The following NREP variants were observed in gnomAD, a reference collection of about 807,000 sequenced individuals.
NREP encodes neuronal regeneration-related protein.
NREP carries 5 observed loss-of-function variants against 8.6 expected under a neutral mutation model. The ratio of observed to expected loss-of-function variants is 0.58; its 90% CI spans 0.30 to 1.22. NREP has a LOEUF of 1.22. NREP is among the 50% of genes most tolerant of loss of function. NREP has a pLI of 0.07. For missense variants in NREP, 86 were observed against 82.5 expected (o/e 1.04, Z -0.17); for synonymous variants, 27 against 28.0 (o/e 0.96, Z 0.11).
chr5:111,793,862 T>C (rs7703619), intron 2 of NREP, among the ~76,000 whole-genome samples: 150,531 of 152,190 alleles, frequency 0.99, 74,472 homozygotes, highest in East Asian at 1. Flanking sequence ...GGTTCAGGAC[T>C]AGCGTGAGTA....
chr5:111,931,428 G>A lies in NREP; in HGVS notation c.135+43846C>T, dbSNP rs546615090. Reference sequence around the variant, plus strand: ...CAACCTAAGGCGAGGCCCACATGGTGTGGAGTTTAGTTGGTCACCTGCCAA... The same window carrying A: ...CAACCTAAGGCGAGGCCCACATGGTATGGAGTTTAGTTGGTCACCTGCCAA... On this transcript the variant is annotated intron_variant, in intron 2 of 3. Transcript: ENST00000395634. 4.6e-5 allele frequency among the ~76,000 whole-genome samples: 7 copies of A among 152,196 alleles called. No individual in the cohort carries two copies. The East Asian group carries it at 1.4e-3, about 30-fold the overall frequency.
rs373295627 is a variant in NREP at position 111,811,177 on chromosome 5, T to C, written c.136-75670A>G. 5.3e-4 allele frequency among the ~76,000 whole-genome samples: 80 copies of C among 152,284 alleles called. 1 individual carries two copies. Among genetic ancestry groups the C allele is most frequent in the African/African-American group, 1.7e-3 (71 of 41,554 alleles). On this transcript the variant is annotated intron_variant, in intron 2 of 3. Coordinates refer to the NREP transcript ENST00000395634. ...CTATGCCCGCCTTTAGACCCACTCT[T>C]GTCATCAGCCTTACTCTCTTTGTTC...
At chr5:111,820,893 T>C (rs73789510) in intron 2 of NREP, among the ~76,000 whole-genome samples, 2,062 of 152,290 alleles carry the variant, frequency 0.014, 42 homozygotes, top group African/African-American at 0.04. Context: ...ATCCTATAAG[T>C]ATATTTTAGA....
intron 2 of NREP, among the ~76,000 whole-genome samples, chr5:111,921,883 C>G (rs1391363906): frequency 6.6e-6 from 1 of 152,108 alleles, no homozygotes; most frequent in African/African-American, 2.4e-5. Flanking sequence ...ATGGGTTTAT[C>G]AGGGGTTTCC....
intron 2 of NREP, among the ~76,000 whole-genome samples, chr5:111,770,659 CT>C (rs1437437935): frequency 6.7e-6 from 1 of 149,588 alleles, no homozygotes; most frequent in Non-Finnish European, 1.5e-5. Flanking sequence ...CAGCCTCCCC[CT>C]CCCAGGCTGA....
chr5:111,752,020 C>A (rs906963698), intron 2 of NREP, among the ~76,000 whole-genome samples: 4 of 152,134 alleles, frequency 2.6e-5, no homozygotes, highest in Non-Finnish European at 5.9e-5. Context: ...GTATAAAATT[C>A]ATTAATGGCC....
intron 2 of NREP, among the ~76,000 whole-genome samples, chr5:111,789,834 A>C (rs559136116): frequency 6.6e-6 from 1 of 152,324 alleles, no homozygotes; most frequent in Non-Finnish European, 1.5e-5. Flanking sequence ...AAATAGGCAA[A>C]TAACTATAAG....
At chr5:111,863,960 A>C (rs182659724) in intron 2 of NREP, among the ~76,000 whole-genome samples, 175 of 152,268 alleles carry the variant, frequency 1.1e-3, no homozygotes, top group South Asian at 8.7e-3. Context: ...CTCAGAGACA[A>C]GCACAGCATC....
At chr5:111,853,668 C>CT (rs1437981565) in intron 2 of NREP, among the ~76,000 whole-genome samples, 2 of 151,966 alleles carry the variant, frequency 1.3e-5, no homozygotes, top group Non-Finnish European at 2.9e-5. Context: ...CAAAGTGTCT[C>CT]TTTTTCTTTC....
chr5:111,748,008 A>T (rs1750116056), intron 2 of NREP, among the ~76,000 whole-genome samples: 1 of 152,128 alleles, frequency 6.6e-6, no homozygotes, highest in Non-Finnish European at 1.5e-5. Context: ...ATTGAGACAA[A>T]CTGTGCTGCC....
intron 2 of NREP, among the ~76,000 whole-genome samples, chr5:111,880,789 T>C (rs1343537268): frequency 2.2e-5 from 3 of 135,644 alleles, no homozygotes; most frequent in African/African-American, 8.5e-5. Context: ...CAGGCTGGAG[T>C]GCAGTGCCGT....
chr5:111,738,383 G>C (rs189607376), intron 2 of NREP: 31 of 152,306 alleles, frequency 2.0e-4, no homozygotes, highest in Admixed American at 1.7e-3. Flanking sequence ...GTGATCCCAA[G>C]CAACAATCAT....
At chr5:111,848,452 G>A (rs950921422) in intron 2 of NREP, among the ~76,000 whole-genome samples, 1 of 151,992 alleles carries the variant, frequency 6.6e-6, no homozygotes, top group Non-Finnish European at 1.5e-5. Flanking sequence ...TCTCCCAGTA[G>A]CACCTTGGAT....
intron 2 of NREP, among the ~76,000 whole-genome samples, chr5:111,839,419 G>T (rs61614275): frequency 6.6e-6 from 1 of 152,102 alleles, no homozygotes; most frequent in Admixed American, 6.6e-5. Flanking sequence ...GCATGCCTCA[G>T]AATGCTGACT....
intron 2 of NREP, among the ~76,000 whole-genome samples, chr5:111,776,293 T>G (rs1272041443): frequency 6.6e-6 from 1 of 152,192 alleles, no homozygotes; most frequent in African/African-American, 2.4e-5. Context: ...TGAAAATAAC[T>G]TTCATCTTTA....
chr5:111,734,515 T>G (rs571462171), intron 3 of NREP: 1 of 427,862 alleles, frequency 2.3e-6, no homozygotes, highest in South Asian at 5.0e-5. Flanking sequence ...TAAAAGTGAT[T>G]TAAGATTGTT....
At chr5:111,790,702 G>C (rs1751724161) in intron 2 of NREP, among the ~76,000 whole-genome samples, 1 of 152,244 alleles carries the variant, frequency 6.6e-6, no homozygotes. Context: ...ATTTATGGTA[G>C]AGCCATATAT....
At chr5:111,806,266 A>G (rs1360494672) in intron 2 of NREP, among the ~76,000 whole-genome samples, 4 of 152,116 alleles carry the variant, frequency 2.6e-5, no homozygotes, top group African/African-American at 9.7e-5. Flanking sequence ...AACTATCCCT[A>G]TGAATGGGTA....
Position 111,730,950 on chromosome 5 carries a change from G to A in NREP, c.178C>T (p.Pro60Ser). The change falls in exon 4 of 4, where the codon CCA becomes TCA. Residue 60 changes from proline (P) to serine (S), a missense_variant. Physicochemically the swap from Pro to Ser is moderately conservative, Grantham distance 74. Coordinates refer to ENST00000257435, the MANE Select transcript of NREP (RefSeq NM_004772.4). ...AAAAAGTGGAGGTAACTGATTCTTG[G>A]GGAGCGGAGTTCACTGCTGCCCAGT... Reference protein sequence around the residue: ...TPLGSSELRSPRISYLHFF With the variant: ...TPLGSSELRSSRISYLHFF The A allele has an allele frequency of 6.2e-7, 1 of 1,613,866 alleles. No individual in the cohort carries two copies.
Sources: allele counts gnomAD v4.1 joint callset (sites outside exome capture counted in the v4.1 genomes callset), GRCh38; gene constraint gnomAD v4.1.1; transcripts MANE v1.5; gene names NCBI Gene and HGNC (gene_info 2026-07-23, HGNC 2026-07-21).